The following ATXN3 variants were observed in gnomAD, a reference collection of about 807,000 sequenced individuals.
ATXN3 encodes ataxin 3, also known as ataxin-3.
Under a neutral mutation model 58.2 loss-of-function variants are expected in ATXN3, and 28 were observed. That is an observed-to-expected ratio of 0.48 (90% CI 0.36 to 0.66). The LOEUF is 0.66. Among genes scored for constraint, ATXN3 ranks in the 30% least tolerant of loss-of-function variants. The pLI, the probability that ATXN3 is intolerant of heterozygous loss-of-function variation, is 0.00. For missense variants in ATXN3, 321 were observed against 422.1 expected, an observed-to-expected ratio of 0.76 and a Z score of 2.10; for synonymous variants, 113 against 138.5, an observed-to-expected ratio of 0.82 and a Z score of 1.29.
rs761777507 is a variant in ATXN3 at position 92,096,655 on chromosome 14, G to C, written c.189+19C>G. ...AAAAAAAAAAAAGAAATGTGACTTA[G>C]TGAGTTTAAAATCAGTACCTGTAAA... is the stretch of plus-strand genomic sequence containing the variant. On this transcript the variant is annotated intron_variant, in intron 2 of 10. Coordinates refer to ENST00000644486, the MANE Select transcript of ATXN3 (RefSeq NM_004993.6). 27 of 1,510,196 alleles carry C rather than the reference G, an allele frequency of 1.8e-5. No individual in the cohort carries two copies. The highest frequency in any genetic ancestry group is 2.3e-5 in the East Asian group (1 of 43,908). 93.5% of individuals were successfully genotyped at this position (1,510,196 alleles called of 1,614,324 possible).
At chr14:92,093,133 T>C in intron 5 of ATXN3, 119 bp downstream of exon 5, 1 of 550,874 alleles carries the variant, frequency 1.8e-6, no homozygotes, top group Non-Finnish European at 3.2e-6. Context: ...TGGCTTCAAG[T>C]GATCCCCCCA....
At chr14:92,087,224 AG>A (rs1293353156) in intron 6 of ATXN3, among the ~76,000 whole-genome samples, 7 of 152,212 alleles carry the variant, frequency 4.6e-5, no homozygotes, top group African/African-American at 1.7e-4. Flanking sequence ...TACATCACTA[AG>A]AAAACATAGT....
chr14:92,074,687 A>G (rs2060037764), intron 9 of ATXN3, among the ~76,000 whole-genome samples: 3 of 152,210 alleles, frequency 2.0e-5, no homozygotes, highest in Admixed American at 2.0e-4. Flanking sequence ...TTCTATATTA[A>G]GTATTTTCCT....
chr14:92,085,524 G>A (rs924921553), intron 6 of ATXN3, among the ~76,000 whole-genome samples: 1 of 152,096 alleles, frequency 6.6e-6, no homozygotes, highest in Non-Finnish European at 1.5e-5. Flanking sequence ...GTGCTGGGAA[G>A]CCACTGAAGG....
chr14:92,091,472 A>G (rs1374222331), intron 5 of ATXN3, among the ~76,000 whole-genome samples: 1 of 151,922 alleles, frequency 6.6e-6, no homozygotes. Context: ...AGAAAGAAAG[A>G]AAGAACCAAC....
chr14:92,078,527 A>C (rs2060853191), intron 9 of ATXN3, among the ~76,000 whole-genome samples: 2 of 150,184 alleles, frequency 1.3e-5, no homozygotes, highest in South Asian at 4.2e-4. Flanking sequence ...ACGCCTGGCT[A>C]ATTTTTTGTA....
chr14:92,087,122 G>A (rs545931595), intron 6 of ATXN3, among the ~76,000 whole-genome samples: 2 of 152,330 alleles, frequency 1.3e-5, no homozygotes, highest in South Asian at 4.1e-4. Flanking sequence ...GACATAAGCT[G>A]TGAAATTAGT....
intron 6 of ATXN3, among the ~76,000 whole-genome samples, chr14:92,085,071 A>C (rs1555402679): frequency 6.6e-6 from 1 of 152,168 alleles, no homozygotes; most frequent in Non-Finnish European, 1.5e-5. Context: ...TCTGTATTGT[A>C]TAATAAATAT....
At chr14:92,096,901 C>A (rs759252663) in intron 1 of ATXN3, 63 bp from the exon 2 acceptor site, 2 of 1,433,210 alleles carry the variant, frequency 1.4e-6, no homozygotes, top group Non-Finnish European at 1.9e-6. Flanking sequence ...TAGTATCTTC[C>A]CCTAAATAAT....
At chr14:92,054,457 A>G (rs2057458536), downstream of ATXN3, among the ~76,000 whole-genome samples, 1 of 152,210 alleles carries the variant, frequency 6.6e-6, no homozygotes, top group African/African-American at 2.4e-5. Context: ...CCTTGGTGCT[A>G]CGCCCCCACC....
In ATXN3 at chr14:92,061,891, T is replaced by G. The variant is rs989496294; in HGVS notation, c.*2429A>C. On this transcript the variant is annotated 3_prime_UTR_variant, in exon 11 of 11. Transcript: ENST00000644486. ...AGTGCTTCTGGATCTGCCTGCTAAA[T>G]GTAACAATTTCACAACAAACTACAC... is the stretch of plus-strand genomic sequence containing the variant. The G allele has an allele frequency of 2.0e-5, 3 of 152,142 alleles. No individual in the cohort carries two copies. Among genetic ancestry groups the G allele is most frequent in the Admixed American group, 1.3e-4 (2 of 15,274 alleles). The allele number at this position is 152,142 out of a possible 1,614,324, so 9.4% of individuals were successfully genotyped here. A position where few individuals can be genotyped will look rare whatever the true frequency, so the allele number is the denominator to read the frequency against.
chr14:92,077,511 T>C (rs1230232563), intron 9 of ATXN3: 1 of 151,912 alleles, frequency 6.6e-6, no homozygotes, highest in Non-Finnish European at 1.5e-5. Flanking sequence ...CACACCCAGC[T>C]AATTTTTGTG....
intron 9 of ATXN3, among the ~76,000 whole-genome samples, chr14:92,075,447 G>A (rs1036461883): frequency 6.6e-6 from 1 of 152,132 alleles, no homozygotes; most frequent in Non-Finnish European, 1.5e-5. Flanking sequence ...GATTACAAGC[G>A]TGAGCCATAG....
intron 1 of ATXN3, among the ~76,000 whole-genome samples, chr14:92,105,980 C>G (rs2068224431): frequency 6.6e-6 from 1 of 152,148 alleles, no homozygotes; most frequent in Non-Finnish European, 1.5e-5. Context: ...AGTGGGCGAG[C>G]CAAGGTCTCC....
At chr14:92,075,028 G>C (rs897370462) in intron 9 of ATXN3, among the ~76,000 whole-genome samples, 8 of 152,178 alleles carry the variant, frequency 5.3e-5, no homozygotes, top group Non-Finnish European at 2.9e-5. Context: ...CAGTGACACA[G>C]CTGATGTAGT....
intron 8 of ATXN3, 131 bp downstream of exon 8, chr14:92,082,169 C>A: frequency 3.1e-6 from 3 of 955,284 alleles, no homozygotes; most frequent in Non-Finnish European, 4.4e-6. Context: ...AAGGGAAAGC[C>A]CACTATATAG....
chr14:92,094,790 C>A (rs1267226571), intron 3 of ATXN3, among the ~76,000 whole-genome samples: 1 of 152,118 alleles, frequency 6.6e-6, no homozygotes, highest in Non-Finnish European at 1.5e-5. Flanking sequence ...CAGCAAGGCA[C>A]AAATAGGAAA....
chr14:92,070,086 T>C lies in ATXN3; in HGVS notation c.991+849A>G, dbSNP rs571196964. Among the ~76,000 whole-genome samples the C allele has an allele frequency of 1.2e-4, 18 of 152,336 alleles. No homozygotes were observed. The South Asian group carries it at 3.7e-3, about 32-fold the overall frequency. The stretch of plus-strand genomic sequence containing the variant: ...TTTCTGATTATTCAGTTTTAAGAGT[T>C]CTTTATATATTCTGCTTATAATTTC... On this transcript the variant is annotated intron_variant, in intron 10 of 10. Coordinates refer to ENST00000644486, the MANE Select transcript of ATXN3 (RefSeq NM_004993.6).
At chr14:92,045,872 C>T (rs1290477335) in intron 2 of ATXN3, among the ~76,000 whole-genome samples, 4 of 152,118 alleles carry the variant, frequency 2.6e-5, no homozygotes, top group Non-Finnish European at 5.9e-5. Context: ...AAAAACTGGC[C>T]GTGAGGGACA....
Sources: gnomAD v4.1 joint callset for allele counts (sites outside exome capture counted in the v4.1 genomes callset) on GRCh38, gnomAD v4.1.1 for gene constraint, MANE v1.5 for transcripts, NCBI Gene and HGNC (gene_info 2026-07-23, HGNC 2026-07-21) for gene names.